PRKN: variants seen among roughly 807,000 people sequenced by gnomAD.
The protein encoded by PRKN is E3 ubiquitin-protein ligase parkin.
A neutral mutation model predicts 59.5 loss-of-function variants in PRKN; 56 were observed. The ratio of observed to expected loss-of-function variants is 0.94; its 90% confidence interval spans 0.76 to 1.18. The LOEUF is 1.18. Among genes scored for constraint, PRKN ranks in the 50% most tolerant of loss-of-function variants. The pLI is 0.00. For synonymous variants in PRKN, 250 were observed against 222.1 expected (o/e 1.13, Z -1.12); for missense variants, 657 against 596.4 (o/e 1.10, Z -1.06).
chr6:162,096,693 T>A (rs976643122), intron 4 of PRKN, among the ~76,000 whole-genome samples: 6 of 152,074 alleles, frequency 3.9e-5, no homozygotes, highest in African/African-American at 1.4e-4. Context: ...CCTGCCGCCA[T>A]GTAAGATGTG....
intron 6 of PRKN, among the ~76,000 whole-genome samples, chr6:161,841,614 T>G (rs1468863599): frequency 6.6e-6 from 1 of 152,110 alleles, no homozygotes; most frequent in African/African-American, 2.4e-5. Context: ...CCTCCCAAAG[T>G]GCTGGGATTA....
At chr6:162,178,723 T>TTCTCAGTTTTGTGTCG (rs1783650053) in intron 4 of PRKN, among the ~76,000 whole-genome samples, 1 of 152,176 alleles carries the variant, frequency 6.6e-6, no homozygotes, top group Admixed American at 6.5e-5. Context: ...TAACTCAGTC[T>TTCTCAGTTTTGTGTCG]TCTCAGTTTT....
intron 7 of PRKN, among the ~76,000 whole-genome samples, chr6:161,690,839 G>A (rs867700592): frequency 8.5e-5 from 13 of 152,172 alleles, no homozygotes; most frequent in African/African-American, 2.4e-4. Flanking sequence ...AGCAGCTTTC[G>A]TATGACTCCA....
chr6:161,671,245 G>A (rs568695233), intron 7 of PRKN, among the ~76,000 whole-genome samples: 3 of 152,138 alleles, frequency 2.0e-5, no homozygotes, highest in Non-Finnish European at 4.4e-5. Context: ...ATAGGCAGCA[G>A]TGCACCTCCT....
chr6:161,649,029 AAAT>A (rs1784058733), intron 7 of PRKN, among the ~76,000 whole-genome samples: 1 of 152,224 alleles, frequency 6.6e-6, no homozygotes, highest in African/African-American at 2.4e-5. Context: ...GCAAGTAGCT[AAAT>A]ACACCACCTG....
At chr6:162,539,173 C>T (rs912067511) in intron 1 of PRKN, among the ~76,000 whole-genome samples, 1 of 151,986 alleles carries the variant, frequency 6.6e-6, no homozygotes, top group Non-Finnish European at 1.5e-5. Flanking sequence ...TTGAGTGTTT[C>T]TCCATGTAAA....
intron 2 of PRKN, among the ~76,000 whole-genome samples, chr6:162,278,961 T>A (rs7750134): frequency 0.58 from 87,740 of 151,814 alleles, 28,519 homozygotes; most frequent in East Asian, 0.91. Flanking sequence ...TAGATTTTTT[T>A]AAAAAATTTT....
At chr6:162,512,993 C>T (rs565775447) in intron 1 of PRKN, among the ~76,000 whole-genome samples, 14 of 152,208 alleles carry the variant, frequency 9.2e-5, no homozygotes, top group African/African-American at 3.1e-4. Context: ...AAATCCTAAA[C>T]TTTTAAATAT....
At chr6:161,956,439 C>G (rs1417780067) in intron 6 of PRKN, among the ~76,000 whole-genome samples, 1 of 152,128 alleles carries the variant, frequency 6.6e-6, no homozygotes, top group East Asian at 1.9e-4. Flanking sequence ...TTCTGCCAGT[C>G]TCAGTGCAAA....
intron 7 of PRKN, among the ~76,000 whole-genome samples, chr6:161,694,735 G>A (rs571736827): frequency 2.0e-5 from 3 of 152,146 alleles, no homozygotes; most frequent in East Asian, 1.9e-4. Context: ...CACCTGGACC[G>A]TATGGGTGAC....
At chr6:162,144,824 G>A (rs908596888) in intron 4 of PRKN, among the ~76,000 whole-genome samples, 1 of 152,156 alleles carries the variant, frequency 6.6e-6, no homozygotes, top group African/African-American at 2.4e-5. Flanking sequence ...ACAGGCCTTG[G>A]TGAGAGAACC....
intron 2 of PRKN, among the ~76,000 whole-genome samples, chr6:162,396,701 G>C (rs908280190): frequency 3.3e-5 from 5 of 152,098 alleles, no homozygotes; most frequent in Non-Finnish European, 7.3e-5. Context: ...TTTCTGTGCT[G>C]ATAAAGGCCA....
intron 6 of PRKN, among the ~76,000 whole-genome samples, chr6:161,922,994 C>T (rs1387696425): frequency 6.6e-6 from 1 of 152,184 alleles, no homozygotes; most frequent in African/African-American, 2.4e-5. Flanking sequence ...GGTGCTGCCA[C>T]CTATGGACAC....
At chr6:161,811,644 C>T (rs3016541) in intron 6 of PRKN, among the ~76,000 whole-genome samples, 132,999 of 152,212 alleles carry the variant, frequency 0.87, 59,650 homozygotes, top group East Asian at 0.97. Flanking sequence ...TAGAAGGGGC[C>T]GGGCACGGTG....
intron 9 of PRKN, among the ~76,000 whole-genome samples, chr6:161,431,775 G>A (rs868832536): frequency 1.6e-4 from 24 of 151,860 alleles, no homozygotes; most frequent in African/African-American, 4.8e-4. Context: ...ACCACACCCC[G>A]CTAATTTTTG....
At chr6:162,659,649 A>T (rs1778805250) in intron 1 of PRKN, among the ~76,000 whole-genome samples, 1 of 152,154 alleles carries the variant, frequency 6.6e-6, no homozygotes, top group African/African-American at 2.4e-5. Flanking sequence ...TTATTAACCC[A>T]TTAGGTGCCA....
chr6:162,184,849 CT>C (rs772068083), intron 4 of PRKN, among the ~76,000 whole-genome samples: 2 of 152,094 alleles, frequency 1.3e-5, no homozygotes, highest in African/African-American at 2.4e-5. Flanking sequence ...GTATATAAAC[CT>C]TTGAGAAACT....
intron 6 of PRKN, among the ~76,000 whole-genome samples, chr6:161,804,265 T>C (rs923576121): frequency 2.0e-5 from 3 of 152,116 alleles, no homozygotes; most frequent in Non-Finnish European, 4.4e-5. Context: ...CTGAATGAAC[T>C]TGGGGTGATG....
chr6:161,436,278 A>AATGGGAGGGACAGAGAGCAGGGGCCGGG (rs1788899572), intron 9 of PRKN, among the ~76,000 whole-genome samples: 1 of 25,716 alleles, frequency 3.9e-5, no homozygotes, highest in Admixed American at 5.2e-4. Flanking sequence ...AGGGGAGTGG[A>AATGGGAGGGACAGAGAGCAGGGGCCGGG]ATGGGAGGGA....
Sources: gnomAD v4.1 joint callset for allele counts (sites outside exome capture counted in the v4.1 genomes callset) on GRCh38, gnomAD v4.1.1 for gene constraint, MANE v1.5 for transcripts, NCBI Gene and HGNC (gene_info 2026-07-23, HGNC 2026-07-21) for gene names.